Variants in GRM1 observed in about 807,000 individuals in gnomAD.
GRM1 encodes the protein glutamate metabotropic receptor 1, also known as metabotropic glutamate receptor 1.
GRM1 carries 33 observed loss-of-function variants against 90.9 expected under a neutral mutation model. That is an observed-to-expected ratio of 0.36 (90% CI 0.28 to 0.49). The LOEUF is 0.49. Among genes scored for constraint, GRM1 ranks in the 20% least tolerant of loss-of-function variants. The pLI is 0.99. For synonymous variants in GRM1, 700 were observed against 613.2 expected, an observed-to-expected ratio of 1.14 and a Z score of -2.09; for missense variants, 1,190 against 1,534.3, an observed-to-expected ratio of 0.78 and a Z score of 3.75.
rs371370442 is a variant in GRM1 at position 146,052,372 on chromosome 6, G to C, written c.700+22155G>C. On this transcript the variant is annotated intron_variant, in intron 1 of 7. Coordinates refer to ENST00000282753, the MANE Select transcript of GRM1 (RefSeq NM_001278064.2). ...TCTGGCTGCTCATTACATTTATCTA[G>C]GGAGCTTTAAAACCTATAGATGCCC... Among the ~76,000 whole-genome samples the C allele has an allele frequency of 8.6e-5, 13 of 151,900 alleles. No homozygotes were observed. In the East Asian group the frequency reaches 9.7e-4, roughly 11 times the overall value.
chr6:146,283,392 A>G (rs1782648757), intron 2 of GRM1, among the ~76,000 whole-genome samples: 2 of 152,298 alleles, frequency 1.3e-5, no homozygotes, highest in South Asian at 4.1e-4. Flanking sequence ...TGTGGAAGTT[A>G]TTTAGGAAAA....
intron 3 of GRM1, among the ~76,000 whole-genome samples, chr6:146,351,113 C>G (rs1375857361): frequency 1.3e-5 from 2 of 152,182 alleles, no homozygotes; most frequent in Non-Finnish European, 2.9e-5. Context: ...CTAAATATTT[C>G]TCTGCTAGTC....
intron 2 of GRM1, among the ~76,000 whole-genome samples, chr6:146,219,629 T>C (rs575428953): frequency 6.6e-6 from 1 of 152,300 alleles, no homozygotes; most frequent in East Asian, 1.9e-4. Flanking sequence ...AATATTTGCA[T>C]GTCACATATA....
intron 1 of GRM1, among the ~76,000 whole-genome samples, chr6:146,132,948 G>T (rs551214595): frequency 9.9e-5 from 15 of 152,204 alleles, no homozygotes; most frequent in Admixed American, 2.0e-4. Context: ...ACAACAAAGA[G>T]ATCATATTGA....
chr6:146,140,098 T>A (rs1776800121), intron 1 of GRM1, among the ~76,000 whole-genome samples: 1 of 93,576 alleles, frequency 1.1e-5, no homozygotes, highest in Non-Finnish European at 2.2e-5. Flanking sequence ...TTATTCTTTC[T>A]TTCTTTCTTT....
chr6:146,033,678 G>C (rs369196017), intron 1 of GRM1, among the ~76,000 whole-genome samples: 1 of 151,694 alleles, frequency 6.6e-6, no homozygotes, highest in African/African-American at 2.4e-5. Context: ...TTTCCAGTTA[G>C]ATTTTGATCT....
chr6:146,394,566 C>T (rs1295290982), intron 6 of GRM1, among the ~76,000 whole-genome samples: 2 of 152,072 alleles, frequency 1.3e-5, no homozygotes, highest in Non-Finnish European at 2.9e-5. Flanking sequence ...TTTAAAATTA[C>T]TAATGGGTGT....
intron 4 of GRM1, among the ~76,000 whole-genome samples, chr6:146,357,243 A>G (rs1187288050): frequency 6.6e-6 from 1 of 152,240 alleles, no homozygotes; most frequent in East Asian, 1.9e-4. Flanking sequence ...GGACATGATC[A>G]ACTTAGCAAA....
intron 1 of GRM1, among the ~76,000 whole-genome samples, chr6:146,074,177 A>C (rs1355895020): frequency 6.6e-6 from 1 of 152,054 alleles, no homozygotes; most frequent in Non-Finnish European, 1.5e-5. Context: ...TGGATGAGAG[A>C]TATCAAGACC....
At chr6:146,322,574 C>CTTTTATTTTACTTTATTTTATTTTA (rs1784235855) in intron 3 of GRM1, among the ~76,000 whole-genome samples, 2 of 144,878 alleles carry the variant, frequency 1.4e-5, no homozygotes, top group African/African-American at 5.4e-5. Flanking sequence ...TGCTGCCTTT[C>CTTTTATTTTACTTTATTTTATTTTA]TTTTATTTTA....
intron 1 of GRM1, among the ~76,000 whole-genome samples, chr6:146,063,431 ATTATT>A (rs1775739823): frequency 6.6e-6 from 1 of 152,136 alleles, no homozygotes; most frequent in Admixed American, 6.5e-5. Context: ...GATGTTGAAG[ATTATT>A]TTATTTGTGT....
At chr6:146,251,743 C>T (rs555694658) in intron 2 of GRM1, among the ~76,000 whole-genome samples, 55 of 152,180 alleles carry the variant, frequency 3.6e-4, no homozygotes, top group South Asian at 2.1e-4. Context: ...TACTTCTGTC[C>T]CTTCAATGGC....
chr6:146,187,129 A>G (rs73573199), intron 2 of GRM1, among the ~76,000 whole-genome samples: 8,101 of 152,270 alleles, frequency 0.053, 713 homozygotes, highest in African/African-American at 0.18. Context: ...TTGATAAAAG[A>G]TTGGTTGATT....
chr6:146,289,352 A>G (rs1782894082), intron 2 of GRM1, among the ~76,000 whole-genome samples: 1 of 152,218 alleles, frequency 6.6e-6, no homozygotes, highest in South Asian at 2.1e-4. Context: ...AAGTTTAAAA[A>G]GTGACGTAAT....
At chr6:146,044,359 C>T (rs922065940) in intron 1 of GRM1, among the ~76,000 whole-genome samples, 1 of 151,958 alleles carries the variant, frequency 6.6e-6, no homozygotes, top group African/African-American at 2.4e-5. Context: ...CTAACTTCTC[C>T]TGGTGTTCTC....
chr6:146,169,246 A>AT (rs745422925), intron 2 of GRM1, among the ~76,000 whole-genome samples: 53 of 151,902 alleles, frequency 3.5e-4, no homozygotes, highest in Non-Finnish European at 6.6e-4. Flanking sequence ...CAGATATTGT[A>AT]TTTTTCATCT....
intron 5 of GRM1, among the ~76,000 whole-genome samples, chr6:146,363,575 G>A (rs1266574871): frequency 6.6e-6 from 1 of 152,246 alleles, no homozygotes; most frequent in East Asian, 1.9e-4. Context: ...CTATGTGTAT[G>A]TGTCTATGTA....
chr6:146,432,991 C>T (rs362817), intron 7 of GRM1, among the ~76,000 whole-genome samples: 85,353 of 152,074 alleles, frequency 0.56, 24,449 homozygotes, highest in African/African-American at 0.68. Flanking sequence ...TAGAGGTTTT[C>T]GTCTCAGTAA....
intron 1 of GRM1, among the ~76,000 whole-genome samples, chr6:146,102,908 G>A (rs1033760128): frequency 2.6e-5 from 4 of 152,120 alleles, no homozygotes; most frequent in African/African-American, 7.2e-5. Flanking sequence ...GTTCACAAAA[G>A]TGTGGCTGAG....
Sources: allele counts gnomAD v4.1 joint callset (sites outside exome capture counted in the v4.1 genomes callset), GRCh38; gene constraint gnomAD v4.1.1; transcripts MANE v1.5; gene names NCBI Gene and HGNC (gene_info 2026-07-23, HGNC 2026-07-21).